CLTB: variants seen among roughly 807,000 people sequenced by gnomAD.
The protein encoded by CLTB is clathrin light chain B, also known as clathrin, light chain (Lcb).
In CLTB, 10 loss-of-function variants were observed where a neutral mutation model predicts 30.5. The ratio of observed to expected loss-of-function variants is 0.33; its 90% CI spans 0.20 to 0.56. The LOEUF (loss-of-function observed/expected upper bound fraction) is 0.56. CLTB is among the 20% of genes least tolerant of loss of function. The pLI, the probability that CLTB is intolerant of heterozygous loss-of-function variation, is 0.91. For synonymous variants in CLTB, 102 were observed against 120.3 expected (o/e 0.85, Z 1.00); for missense variants, 261 against 308.3 (o/e 0.85, Z 1.15).
Position 176,392,692 on chromosome 5 carries a change from G to A in CLTB, c.*82C>T, listed in dbSNP as rs563903618. The A allele has an allele frequency of 6.0e-6, 9 of 1,505,860 alleles. No homozygotes were observed. The highest frequency in any genetic ancestry group is 2.4e-4 in the Middle Eastern group (1 of 4,208). 93.3% of individuals were successfully genotyped at this position (1,505,860 alleles called of 1,614,324 possible). On this transcript the variant is annotated 3_prime_UTR_variant, in exon 6 of 6. Coordinates refer to ENST00000310418, the MANE Select transcript of CLTB (RefSeq NM_007097.5). This position sits in a 1 kb window ranked among gnomAD's most constrained non-coding sequence, Gnocchi z 5.2. Reference sequence around the variant, plus strand: ...ATAGGCTGTGGGTAGCAGCTGCTGCGAGTCTCCACCCCGACCAAAGCAGCT... The same window carrying A: ...ATAGGCTGTGGGTAGCAGCTGCTGCAAGTCTCCACCCCGACCAAAGCAGCT...
At chr5:176,412,727 T>G (rs1757507594) in intron 1 of CLTB, among the ~76,000 whole-genome samples, 1 of 152,164 alleles carries the variant, frequency 6.6e-6, no homozygotes, top group Non-Finnish European at 1.5e-5. Context: ...AGTGATTGAT[T>G]CCAACCAACT....
intron 1 of CLTB, among the ~76,000 whole-genome samples, chr5:176,412,074 G>T (rs1015031301): frequency 2.0e-5 from 3 of 151,750 alleles, no homozygotes; most frequent in African/African-American, 4.8e-5. Context: ...CACTCGGGAG[G>T]CTGAGGCAGG....
In CLTB at chr5:176,406,797, C is replaced by T; in HGVS notation, c.234+3460G>A. 3 of 1,045,154 alleles carry T rather than the reference C, an allele frequency of 2.9e-6. No homozygotes were observed. In the South Asian group the frequency reaches 4.7e-5, roughly 16 times the overall value. 64.7% of individuals were successfully genotyped at this position (1,045,154 alleles called of 1,614,324 possible). On this transcript the variant is annotated intron_variant, in intron 2 of 5. Transcript: ENST00000310418. ...GTGCACAGGCCAAGGTTTCTCCTCC[C>T]CCTGCAGGTGCAGGCCAGACCTGCT...
At chr5:176,403,049 A>ATTTT (rs34807992) in intron 2 of CLTB, among the ~76,000 whole-genome samples, 2 of 138,010 alleles carry the variant, frequency 1.4e-5, no homozygotes, top group Non-Finnish European at 3.1e-5. Context: ...GCCTGCCCTA[A>ATTTT]TTTTTTTTTT....
intron 2 of CLTB, chr5:176,406,621 A>G (rs1286119312): frequency 2.3e-6 from 3 of 1,289,290 alleles, no homozygotes; most frequent in Non-Finnish European, 3.0e-6. Context: ...TGGCTGTGCC[A>G]AATGGAACTG....
At chr5:176,403,262 C>T (rs1756919798) in intron 2 of CLTB, among the ~76,000 whole-genome samples, 1 of 152,042 alleles carries the variant, frequency 6.6e-6, no homozygotes, top group Non-Finnish European at 1.5e-5. Context: ...GTTGGCCAGA[C>T]TTGTGTCGAA....
intron 5 of CLTB, among the ~76,000 whole-genome samples, chr5:176,394,625 T>C (rs13169024): frequency 0.087 from 13,116 of 150,792 alleles, 687 homozygotes; most frequent in East Asian, 0.24. Flanking sequence ...GCATCCTGGC[T>C]AACACGGTGA....
At chr5:176,405,438 T>C (rs535522434) in intron 2 of CLTB, among the ~76,000 whole-genome samples, 102 of 141,492 alleles carry the variant, frequency 7.2e-4, no homozygotes, top group African/African-American at 2.7e-3. Context: ...CAGTGAGCCA[T>C]GATCACACCA....
chr5:176,399,683 C>T (rs563465425), intron 2 of CLTB, among the ~76,000 whole-genome samples: 1 of 152,138 alleles, frequency 6.6e-6, no homozygotes, highest in South Asian at 2.1e-4. Context: ...CACTTGAGGC[C>T]AGGAGTTTGA....
At chr5:176,402,912 G>A (rs147670151) in intron 2 of CLTB, among the ~76,000 whole-genome samples, 104 of 152,304 alleles carry the variant, frequency 6.8e-4, no homozygotes, top group African/African-American at 2.2e-3. Flanking sequence ...TAAGAATCAC[G>A]TGGGCCTGGA....
rs1400451336 is a variant in CLTB, at chr5:176,393,247, C to G, written c.519-302G>C. ...TCACCTCCTCAGAAAGTCTTCCCAG[C>G]CTAGGCACCCTCTGTTCATTACTTC... On this transcript the variant is annotated intron_variant, in intron 5 of 5. Coordinates refer to ENST00000310418, the MANE Select transcript of CLTB (RefSeq NM_007097.5). The surrounding 1 kb of genome is among the most constrained non-coding windows in gnomAD (Gnocchi z 4.4). 1.3e-5 allele frequency among the ~76,000 whole-genome samples: 2 copies of G among 152,158 alleles called. No individual in the cohort carries two copies. The highest frequency in any genetic ancestry group is 2.4e-5 in the African/African-American group (1 of 41,432).
chr5:176,403,330 G>A (rs1351545288), intron 2 of CLTB, among the ~76,000 whole-genome samples: 2 of 151,812 alleles, frequency 1.3e-5, no homozygotes, highest in African/African-American at 2.4e-5. Context: ...GATTACAGGC[G>A]TGAGCTACTG....
At chr5:176,403,730 G>A (rs1376452441) in intron 2 of CLTB, among the ~76,000 whole-genome samples, 1 of 151,232 alleles carries the variant, frequency 6.6e-6, no homozygotes, top group Non-Finnish European at 1.5e-5. Context: ...GGGATTACAG[G>A]CGTGAGCCAC....
At chr5:176,414,740 C>A (rs570794944) in intron 1 of CLTB, among the ~76,000 whole-genome samples, 10 of 152,168 alleles carry the variant, frequency 6.6e-5, no homozygotes, top group Non-Finnish European at 1.3e-4. Context: ...CTGTGTGACT[C>A]TGGGCAAGAT....
chr5:176,410,134 C>T, intron 2 of CLTB, 123 bp downstream of exon 2: 1 of 833,748 alleles, frequency 1.2e-6, no homozygotes, highest in South Asian at 1.7e-5. Context: ...TATGTTTCCA[C>T]CCCAATGCAT....
rs1363615379 is a variant in CLTB at position 176,416,273 on chromosome 5, G to C, written c.91C>G (p.Gln31Glu). The C allele has an allele frequency of 6.2e-6, 10 of 1,606,418 alleles. No homozygotes were observed. Among genetic ancestry groups the C allele is most frequent in the Non-Finnish European group, 8.5e-6 (10 of 1,177,598 alleles). Reference protein sequence around the residue: ...EDPAAAFLAQQESEIAGIEND... With the variant: ...EDPAAAFLAQEESEIAGIEND... ...TCTATGCCTGCAATCTCGCTCTCCT[G>C]CTGGGCCAGGAAGGCGGCCGCCGGG... is the stretch of plus-strand genomic sequence containing the variant. Residue 31 changes from glutamine (Q) to glutamate (E), a missense_variant, in exon 1 of 6, where the codon CAG becomes GAG. Coordinates refer to ENST00000310418, the MANE Select transcript of CLTB (RefSeq NM_007097.5).
intron 2 of CLTB, chr5:176,401,792 C>T: frequency 2.2e-6 from 1 of 455,940 alleles, no homozygotes; most frequent in Non-Finnish European, 4.4e-6. Context: ...GTGCTGAGGC[C>T]CCAGCCTCCT....
At position 176,416,503 on chromosome 5, in the gene CLTB, A is replaced by T; in HGVS notation, c.-140T>A. ...CGGGGACGGGCTTGGCGCGGACCGC[A>T]CTTCCTCTCCGCCACCGGGCCCGGC... On this transcript the variant is annotated 5_prime_UTR_variant, in exon 1 of 6. Coordinates refer to ENST00000310418, the MANE Select transcript of CLTB (RefSeq NM_007097.5). The T allele has an allele frequency of 1.6e-6, 1 of 630,544 alleles. No homozygotes were observed. The highest frequency in any genetic ancestry group is 2.2e-6 in the Non-Finnish European group (1 of 451,234). 39.1% of individuals were successfully genotyped at this position (630,544 alleles called of 1,614,324 possible). A position where few individuals can be genotyped will look rare whatever the true frequency, so the allele number is the denominator to read the frequency against.
intron 2 of CLTB, among the ~76,000 whole-genome samples, chr5:176,409,948 GA>G (rs1012445124): frequency 1.3e-5 from 2 of 152,176 alleles, no homozygotes; most frequent in Non-Finnish European, 2.9e-5. Flanking sequence ...AGTGGTGAGG[GA>G]AGGCCTTGCG....
Sources: allele counts gnomAD v4.1 joint callset (sites outside exome capture counted in the v4.1 genomes callset), GRCh38; gene constraint gnomAD v4.1.1; non-coding constraint Gnocchi (gnomAD v3.1); transcripts MANE v1.5; gene names NCBI Gene and HGNC (gene_info 2026-07-23, HGNC 2026-07-21).